Variants in MCTP1 observed in about 807,000 individuals in gnomAD.
MCTP1 encodes the protein multiple C2 and transmembrane domain containing 1.
In MCTP1, 69 loss-of-function variants were observed where a neutral mutation model predicts 120.6. The observed-to-expected ratio is 0.57, with a 90% CI of 0.47 to 0.70. The LOEUF (loss-of-function observed/expected upper bound fraction) is 0.70. Ranked by LOEUF, MCTP1 falls within the 30% of genes least tolerant of loss-of-function variation. The pLI is 0.00. For missense variants in MCTP1, 1,203 were observed against 1,248.8 expected, an observed-to-expected ratio of 0.96 and a Z score of 0.55; for synonymous variants, 529 against 493.1, an observed-to-expected ratio of 1.07 and a Z score of -0.96.
intron 1 of MCTP1, among the ~76,000 whole-genome samples, chr5:95,106,851 G>A (rs759077562): frequency 3.3e-5 from 5 of 152,160 alleles, no homozygotes; most frequent in African/African-American, 1.2e-4. Context: ...AAAGGGCAAG[G>A]AAATGGAGTA....
chr5:95,194,304 A>G (rs1261560164), intron 1 of MCTP1, among the ~76,000 whole-genome samples: 2 of 152,190 alleles, frequency 1.3e-5, no homozygotes, highest in African/African-American at 2.4e-5. Context: ...CCTAATGCTA[A>G]TAAGTGGCCA....
rs752966281 is a variant in MCTP1 at position 94,871,417 on chromosome 5, G to T, written c.2037C>A (p.Phe679Leu). 2 of 1,589,024 alleles carry T rather than the reference G, an allele frequency of 1.3e-6. No individual in the cohort carries two copies. The highest frequency in any genetic ancestry group is 1.7e-6 in the Non-Finnish European group (2 of 1,157,788). ...GAACTGAATGGATATCTTTAATGTT[G>T]CTGCATAATAAATATATGTAAGAAA... ...LNPEWNKVFTFNIKDIHSVLE... is the reference protein window; with the variant it reads ...LNPEWNKVFTLNIKDIHSVLE... The change falls in exon 14 of 23, where the codon TTC (phenylalanine) becomes TTA (leucine). Residue 679 changes from phenylalanine to leucine, a missense_variant and splice_region_variant. This residue lies in a region of MCTP1 where 740 missense variants were observed against 871.1 expected (regional missense o/e 0.85). Coordinates refer to ENST00000515393, the MANE Select transcript of MCTP1 (RefSeq NM_024717.7).
At chr5:94,940,630 A>G (rs920269643) in intron 4 of MCTP1, among the ~76,000 whole-genome samples, 2 of 142,970 alleles carry the variant, frequency 1.4e-5, no homozygotes, top group South Asian at 4.2e-4. Flanking sequence ...ATATATATAC[A>G]CATATACATA....
At chr5:95,094,438 T>C (rs1178635563) in intron 1 of MCTP1, among the ~76,000 whole-genome samples, 1 of 152,234 alleles carries the variant, frequency 6.6e-6, no homozygotes, top group East Asian at 1.9e-4. Context: ...ATAGGATCTA[T>C]AATGGAATCT....
At chr5:94,908,274 C>T (rs1807460533) in intron 10 of MCTP1, among the ~76,000 whole-genome samples, 1 of 151,888 alleles carries the variant, frequency 6.6e-6, no homozygotes, top group Non-Finnish European at 1.5e-5. Context: ...TTTCCAAGCT[C>T]ACTTTACAAG....
chr5:94,842,699 A>G (rs946212154), intron 17 of MCTP1, among the ~76,000 whole-genome samples: 1 of 152,232 alleles, frequency 6.6e-6, no homozygotes, highest in Admixed American at 6.5e-5. Flanking sequence ...AATAAACAAT[A>G]TATCTACTAA....
At chr5:94,931,347 G>A (rs1316453296) in intron 6 of MCTP1, 6 of 151,912 alleles carry the variant, frequency 3.9e-5, no homozygotes, top group South Asian at 2.1e-4. Flanking sequence ...TCTTGATATC[G>A]ATCTGTGTCC....
intron 1 of MCTP1, among the ~76,000 whole-genome samples, chr5:95,150,132 T>C (rs1378378241): frequency 2.0e-5 from 3 of 152,220 alleles, no homozygotes; most frequent in Admixed American, 6.5e-5. Context: ...CCATTTGTTT[T>C]TATATTTTTA....
intron 1 of MCTP1, among the ~76,000 whole-genome samples, chr5:95,045,817 T>C (rs969477326): frequency 2.0e-5 from 3 of 152,196 alleles, no homozygotes; most frequent in African/African-American, 7.2e-5. Context: ...TCCTTCTGTA[T>C]TTCAGAAATA....
rs549802156 is a variant in MCTP1 at position 95,148,928 on chromosome 5, A to G, written c.721-131444T>C. On this transcript the variant is annotated intron_variant, in intron 1 of 22. Transcript: ENST00000515393. ...TATTTGTGGCTGAATTTTTGCCTTA[A>G]TTTTCACAGGCACTGTATACTGGCA... Among the ~76,000 whole-genome samples, 25 of 152,184 alleles carry G rather than the reference A, an allele frequency of 1.6e-4. 1 individual carries two copies. In the South Asian group the frequency reaches 2.7e-3, roughly 16 times the overall value.
At chr5:94,768,343 A>G (rs549747061) in intron 19 of MCTP1, among the ~76,000 whole-genome samples, 1 of 152,272 alleles carries the variant, frequency 6.6e-6, no homozygotes, top group Non-Finnish European at 1.5e-5. Flanking sequence ...ACATTGGTCT[A>G]GGCAAAGTTT....
intron 17 of MCTP1, among the ~76,000 whole-genome samples, chr5:94,820,760 T>C (rs929349944): frequency 6.6e-6 from 1 of 152,108 alleles, no homozygotes; most frequent in African/African-American, 2.4e-5. Context: ...TTGTGAGAAA[T>C]TGTATTTATG....
At chr5:94,954,171 T>A (rs183324405) in intron 2 of MCTP1, among the ~76,000 whole-genome samples, 1,549 of 37,058 alleles carry the variant, frequency 0.042, 44 homozygotes, top group South Asian at 0.047. Context: ...TATATATACA[T>A]ATATATATAT....
chr5:95,039,858 A>T (rs1342755060), intron 1 of MCTP1, among the ~76,000 whole-genome samples: 1 of 129,218 alleles, frequency 7.7e-6, no homozygotes, highest in Admixed American at 9.2e-5. Flanking sequence ...GGAGTTTATG[A>T]GTCTTCTCAG....
chr5:95,067,194 G>A (rs1371528586), intron 1 of MCTP1, among the ~76,000 whole-genome samples: 2 of 152,098 alleles, frequency 1.3e-5, no homozygotes, highest in African/African-American at 2.4e-5. Context: ...TACACAGCTG[G>A]AATAACTTCT....
chr5:95,132,820 T>C (rs554334817), intron 1 of MCTP1, among the ~76,000 whole-genome samples: 1 of 152,200 alleles, frequency 6.6e-6, no homozygotes, highest in African/African-American at 2.4e-5. Flanking sequence ...ATTGGGTGAC[T>C]ACTTGATTTA....
intron 1 of MCTP1, among the ~76,000 whole-genome samples, chr5:95,111,627 T>C (rs1230887273): frequency 1.3e-5 from 2 of 152,142 alleles, no homozygotes; most frequent in Admixed American, 1.3e-4. Context: ...AAAAAGATGT[T>C]TGGTATAGAC....
intron 1 of MCTP1, among the ~76,000 whole-genome samples, chr5:95,074,361 T>C (rs947170773): frequency 8.5e-5 from 13 of 152,212 alleles, no homozygotes; most frequent in African/African-American, 2.9e-4. Context: ...ACCCAACTTC[T>C]GGAGGGGCCA....
At chr5:95,088,454 T>A (rs1048897906) in intron 1 of MCTP1, among the ~76,000 whole-genome samples, 4 of 152,242 alleles carry the variant, frequency 2.6e-5, no homozygotes, top group Non-Finnish European at 5.9e-5. Context: ...GGAGCAGCAC[T>A]CTGCTCTGTG....
Sources: allele counts gnomAD v4.1 joint callset (sites outside exome capture counted in the v4.1 genomes callset), GRCh38; gene constraint gnomAD v4.1.1; regional missense constraint gnomAD v4.1.1; transcripts MANE v1.5; gene names NCBI Gene and HGNC (gene_info 2026-07-23, HGNC 2026-07-21).